ZFHX3: variants seen among roughly 807,000 people sequenced by gnomAD.
The protein encoded by ZFHX3 is zinc finger homeobox 3, also known as zinc finger homeobox protein 3.
A neutral mutation model predicts 279.1 loss-of-function variants in ZFHX3; 42 were observed. The observed-to-expected ratio is 0.15, with a 90% CI of 0.12 to 0.19. ZFHX3 has a LOEUF of 0.19. Ranked by LOEUF, ZFHX3 falls within the 10% of genes least tolerant of loss-of-function variation. The pLI is 1.00. For missense variants in ZFHX3, 4,981 were observed against 4,754.0 expected (o/e 1.05, Z -1.40); for synonymous variants, 2,293 against 1,957.8 (o/e 1.17, Z -4.52).
chr16:73,344,464 C>T (rs1208090673), intron 3 of ZFHX3, among the ~76,000 whole-genome samples: 2 of 152,098 alleles, frequency 1.3e-5, no homozygotes, highest in Non-Finnish European at 2.9e-5. Context: ...TATGTGTTTC[C>T]GGATAAAGCA....
intron 3 of ZFHX3, among the ~76,000 whole-genome samples, chr16:72,903,914 C>T (rs7205884): frequency 0.011 from 1,665 of 152,312 alleles, 23 homozygotes; most frequent in African/African-American, 0.036. Flanking sequence ...CAGGCTCCAT[C>T]GCTTCCTCCT....
At chr16:73,459,962 G>A (rs1012964997) in intron 2 of ZFHX3, among the ~76,000 whole-genome samples, 9 of 152,148 alleles carry the variant, frequency 5.9e-5, no homozygotes, top group African/African-American at 2.2e-4. Context: ...TGAGATTTGG[G>A]TGGGGACACA....
intron 2 of ZFHX3, among the ~76,000 whole-genome samples, chr16:73,473,738 A>G (rs1012768183): frequency 1.3e-5 from 2 of 152,214 alleles, no homozygotes; most frequent in Non-Finnish European, 2.9e-5. Context: ...TAAATGCTAA[A>G]ACAAACACAA....
intron 1 of ZFHX3, among the ~76,000 whole-genome samples, chr16:72,966,113 G>T (rs1396127797): frequency 1.3e-5 from 2 of 152,186 alleles, no homozygotes; most frequent in East Asian, 3.9e-4. Context: ...GTGTGTCTCG[G>T]GACACGCCAA....
chr16:73,550,196 C>A (rs991843801), intron 2 of ZFHX3, among the ~76,000 whole-genome samples: 1 of 152,130 alleles, frequency 6.6e-6, no homozygotes, highest in Admixed American at 6.5e-5. Context: ...TGTATTGAGT[C>A]ATGACCCAGA....
In ZFHX3 at chr16:73,570,730, T is replaced by C. The variant is rs776783315; in HGVS notation, c.-1547+109450A>G. ...GCTAAACATCATTGGTATGTTTCTA[T>C]TGGTGTACTGACTTGGTGAATAAAA... On this transcript the variant is annotated intron_variant, in intron 2 of 17. Coordinates refer to the ZFHX3 transcript ENST00000641206. 1.2e-4 allele frequency among the ~76,000 whole-genome samples: 18 copies of C among 152,302 alleles called. No individual in the cohort carries two copies. The East Asian group carries it at 3.5e-3, about 29-fold the overall frequency.
chr16:73,870,559 T>TTCTG (rs10699155), intron 1 of ZFHX3, among the ~76,000 whole-genome samples: 8,677 of 152,154 alleles, frequency 0.057, 766 homozygotes, highest in African/African-American at 0.19. Context: ...CCATTATTCT[T>TTCTG]TATTTCTTGG....
intron 4 of ZFHX3, among the ~76,000 whole-genome samples, chr16:73,313,628 G>T (rs777459150): frequency 1.3e-5 from 2 of 152,108 alleles, no homozygotes; most frequent in African/African-American, 4.8e-5. Context: ...ACTCCATAGC[G>T]GTATTAGTAA....
intron 3 of ZFHX3, among the ~76,000 whole-genome samples, chr16:72,937,792 A>G (rs1233829401): frequency 1.3e-5 from 2 of 152,206 alleles, no homozygotes; most frequent in Admixed American, 1.3e-4. Flanking sequence ...CTCTGCCTCC[A>G]AGAGCCTTTT....
At chr16:73,866,334 ATGCCCAGCTAATT>A (rs1229726350) in intron 1 of ZFHX3, among the ~76,000 whole-genome samples, 1 of 151,766 alleles carries the variant, frequency 6.6e-6, no homozygotes, top group Non-Finnish European at 1.5e-5. Context: ...GCACGCCACC[ATGCCCAGCTAATT>A]TTTGTATTTT....
At position 72,958,532 on chromosome 16, in the gene ZFHX3, G is replaced by C. The variant is rs376393467; in HGVS notation, c.1614C>G (p.Asn538Lys). ...QSISNSPLMP[N>K]VLQTLSRGTA... ...TGCCCCTCGACAGGGTCTGGAGCAC[G>C]TTAGGCATTAAGGGGGAGTTAGAAA... The change falls in exon 2 of 10, where the codon AAC (asparagine) becomes AAG (lysine). Residue 538 changes from asparagine (N) to lysine (K), a missense_variant. Physicochemically the swap from Asn to Lys is moderately conservative, Grantham distance 94. This residue lies in a region of ZFHX3 where 1,068 missense variants were observed against 935.2 expected (regional missense o/e 1.14). Coordinates refer to ENST00000268489, the MANE Select transcript of ZFHX3 (RefSeq NM_006885.4). The C allele has an allele frequency of 6.2e-7, 1 of 1,614,040 alleles. No individual in the cohort carries two copies. Among genetic ancestry groups the C allele is most frequent in the Non-Finnish European group, 8.5e-7 (1 of 1,180,030 alleles).
chr16:73,221,699 G>A (rs967382806), intron 5 of ZFHX3, among the ~76,000 whole-genome samples: 3 of 152,132 alleles, frequency 2.0e-5, no homozygotes, highest in South Asian at 4.1e-4. Flanking sequence ...TGAAAGTAAG[G>A]TCTGTAGTTT....
intron 1 of ZFHX3, among the ~76,000 whole-genome samples, chr16:73,705,058 T>G (rs1396361699): frequency 6.6e-6 from 1 of 152,058 alleles, no homozygotes; most frequent in Non-Finnish European, 1.5e-5. Context: ...TAAACACCAT[T>G]CAATAGTATT....
At chr16:73,130,989 T>G in exon 7 of ZFHX3, 2 of 1,305,368 alleles carry the variant, frequency 1.5e-6, no homozygotes, top group Non-Finnish European at 2.0e-6. Flanking sequence ...TGCCGCTTTG[T>G]GCCTGAGCTG....
At chr16:73,017,377 A>C (rs1964140536) in intron 1 of ZFHX3, among the ~76,000 whole-genome samples, 1 of 152,134 alleles carries the variant, frequency 6.6e-6, no homozygotes, top group African/African-American at 2.4e-5. Context: ...TGGGTCCCAA[A>C]AAATATCCCC....
At chr16:73,773,854 G>A (rs2054047530) in intron 1 of ZFHX3, among the ~76,000 whole-genome samples, 1 of 152,154 alleles carries the variant, frequency 6.6e-6, no homozygotes, top group Non-Finnish European at 1.5e-5. Flanking sequence ...AAGTTGAAAA[G>A]AGGCCAGATG....
At chr16:73,885,116 G>A (rs1482684432) in intron 1 of ZFHX3, among the ~76,000 whole-genome samples, 1 of 151,446 alleles carries the variant, frequency 6.6e-6, no homozygotes, top group Non-Finnish European at 1.5e-5. Flanking sequence ...AATCTGGAAA[G>A]AGTTTGGGGT....
At chr16:73,482,194 T>G (rs76839968) in intron 2 of ZFHX3, among the ~76,000 whole-genome samples, 5,115 of 152,208 alleles carry the variant, frequency 0.034, 126 homozygotes, top group Non-Finnish European at 0.051. Flanking sequence ...CCTTGGGAGC[T>G]GATACAGCAG....
intron 3 of ZFHX3, among the ~76,000 whole-genome samples, chr16:73,398,100 C>T (rs2017167945): frequency 6.6e-6 from 1 of 152,204 alleles, no homozygotes; most frequent in African/African-American, 2.4e-5. Context: ...CCACCTAGGC[C>T]TCCCATAGTG....
Sources: allele counts gnomAD v4.1 joint callset (sites outside exome capture counted in the v4.1 genomes callset), GRCh38; gene constraint gnomAD v4.1.1; regional missense constraint gnomAD v4.1.1; transcripts MANE v1.5; gene names NCBI Gene and HGNC (gene_info 2026-07-23, HGNC 2026-07-21).